The following KLHL1 variants were observed in gnomAD, a reference collection of about 807,000 sequenced individuals.
KLHL1 encodes kelch like family member 1.
A neutral mutation model predicts 77.7 loss-of-function variants in KLHL1; 47 were observed. The ratio of observed to expected loss-of-function variants is 0.60; its 90% confidence interval spans 0.48 to 0.77. KLHL1 has a LOEUF of 0.77. Ranked by LOEUF, KLHL1 falls within the 30% of genes least tolerant of loss-of-function variation. The pLI, the probability that KLHL1 is intolerant of heterozygous loss-of-function variation, is 0.00. For synonymous variants in KLHL1, 360 were observed against 325.2 expected, an observed-to-expected ratio of 1.11 and a Z score of -1.15; for missense variants, 925 against 910.8, an observed-to-expected ratio of 1.02 and a Z score of -0.20.
At chr13:69,782,635 A>G (rs933868343) in intron 7 of KLHL1, among the ~76,000 whole-genome samples, 2 of 152,132 alleles carry the variant, frequency 1.3e-5, no homozygotes, top group African/African-American at 4.8e-5. Context: ...CCATTGCCCA[A>G]GTTTGATTAG....
intron 5 of KLHL1, among the ~76,000 whole-genome samples, chr13:69,881,442 C>A (rs1251679855): frequency 6.6e-6 from 1 of 152,020 alleles, no homozygotes; most frequent in Non-Finnish European, 1.5e-5. Flanking sequence ...ATGAGATAAG[C>A]CTCCCATTTC....
chr13:69,733,810 A>T (rs1409758704), intron 8 of KLHL1, among the ~76,000 whole-genome samples: 1 of 152,190 alleles, frequency 6.6e-6, no homozygotes. Context: ...TGAGCACAAG[A>T]ATAAGTAAAG....
chr13:69,790,064 T>TGACA (rs1303855413), intron 7 of KLHL1, among the ~76,000 whole-genome samples: 3 of 152,274 alleles, frequency 2.0e-5, no homozygotes, highest in East Asian at 3.9e-4. Context: ...TAGCCACTTC[T>TGACA]GACACATTTG....
intron 5 of KLHL1, among the ~76,000 whole-genome samples, chr13:69,847,417 A>G (rs1416850921): frequency 1.3e-5 from 2 of 151,346 alleles, no homozygotes; most frequent in African/African-American, 4.8e-5. Context: ...AAAAAAAAAA[A>G]AAAAAAAAAA....
rs534622761 is a variant in KLHL1 at position 70,038,441 on chromosome 13, G to A, written c.498-62639C>T. 1.7e-3 allele frequency among the ~76,000 whole-genome samples: 253 copies of A among 152,234 alleles called. 1 individual carries two copies. Among genetic ancestry groups the A allele is most frequent in the African/African-American group, 5.9e-3 (247 of 41,544 alleles). ...TCCTGGAGGGCAATTGCTGGGTCAT[G>A]TGCTAAGAGTATATTTACTAATTTT... On this transcript the variant is annotated intron_variant, in intron 1 of 10. Transcript: ENST00000377844.
intron 1 of KLHL1, among the ~76,000 whole-genome samples, chr13:70,059,129 A>C (rs1886814966): frequency 6.6e-6 from 1 of 151,900 alleles, no homozygotes; most frequent in African/African-American, 2.4e-5. Context: ...GGAAATCTCC[A>C]GGACATGGGA....
At chr13:69,913,934 C>T (rs913450237) in intron 4 of KLHL1, among the ~76,000 whole-genome samples, 2 of 152,156 alleles carry the variant, frequency 1.3e-5, no homozygotes, top group African/African-American at 4.8e-5. Flanking sequence ...GGCAGACCCA[C>T]CCTCAATCTG....
rs140626172 is a variant in KLHL1 at position 70,073,929 on chromosome 13, G to A, written c.497+33274C>T. ...CAGCCTCCACCTCCTGGGTTCAAGC[G>A]ATTCTCCTGCCTCAGCCTCCAGAGT... On this transcript the variant is annotated intron_variant, in intron 1 of 10. Transcript: ENST00000377844. Among the ~76,000 whole-genome samples, 596 of 151,942 alleles carry A rather than the reference G, an allele frequency of 3.9e-3. 5 individuals are homozygous for A. The highest frequency in any genetic ancestry group is 0.013 in the African/African-American group (558 of 41,402).
chr13:69,793,501 T>TG (rs1417611706), intron 7 of KLHL1, among the ~76,000 whole-genome samples: 1 of 151,438 alleles, frequency 6.6e-6, no homozygotes, highest in Non-Finnish European at 1.5e-5. Flanking sequence ...CATGTAAGTT[T>TG]TTTTTTTACA....
At chr13:70,098,302 T>C (rs558268033) in intron 1 of KLHL1, among the ~76,000 whole-genome samples, 28 of 151,978 alleles carry the variant, frequency 1.8e-4, no homozygotes, top group African/African-American at 6.3e-4. Flanking sequence ...TATAAGAGTG[T>C]CACATCTATT....
intron 6 of KLHL1, among the ~76,000 whole-genome samples, chr13:69,824,918 TA>T (rs201160848): frequency 2.6e-5 from 4 of 151,944 alleles, no homozygotes; most frequent in Non-Finnish European, 5.9e-5. Flanking sequence ...CTAAAATATC[TA>T]AAAAAAATTT....
chr13:69,875,321 G>A (rs1012537480), intron 5 of KLHL1, among the ~76,000 whole-genome samples: 1 of 152,030 alleles, frequency 6.6e-6, no homozygotes, highest in Non-Finnish European at 1.5e-5. Flanking sequence ...GACTAATTTT[G>A]TGTGTTTGAA....
Position 69,882,268 on chromosome 13 carries a change from G to T in KLHL1, c.1227+15C>A. 1 of 1,562,998 alleles carries T rather than the reference G, an allele frequency of 6.4e-7. No homozygotes were observed. The highest frequency in any genetic ancestry group is 8.8e-7 in the Non-Finnish European group (1 of 1,133,794). ...AGTACATTGAATCTATTTAAACAGC[G>T]TCACACATCATTACCTGTGGTGGAA... On this transcript the variant is annotated intron_variant, in intron 5 of 10. Coordinates refer to ENST00000377844, the MANE Select transcript of KLHL1 (RefSeq NM_020866.3).
At chr13:70,038,315 C>T (rs547458494) in intron 1 of KLHL1, among the ~76,000 whole-genome samples, 1 of 152,232 alleles carries the variant, frequency 6.6e-6, no homozygotes, top group South Asian at 2.1e-4. Flanking sequence ...TGAAGGGTAG[C>T]TGGACTCTTC....
intron 1 of KLHL1, among the ~76,000 whole-genome samples, chr13:69,978,977 G>A (rs191629192): frequency 6.6e-6 from 1 of 152,066 alleles, no homozygotes; most frequent in East Asian, 1.9e-4. Context: ...CTGGTTTGGG[G>A]GGCTGGGGGT....
At chr13:69,865,347 A>G (rs1880329852) in intron 5 of KLHL1, among the ~76,000 whole-genome samples, 1 of 152,196 alleles carries the variant, frequency 6.6e-6, no homozygotes, top group Non-Finnish European at 1.5e-5. Context: ...GTGCTAAACT[A>G]GAATTTTCAA....
At chr13:69,748,622 G>A (rs1256179585) in intron 7 of KLHL1, among the ~76,000 whole-genome samples, 1 of 151,882 alleles carries the variant, frequency 6.6e-6, no homozygotes, top group Non-Finnish European at 1.5e-5. Context: ...TGACATCAGA[G>A]AACGATATTT....
intron 1 of KLHL1, among the ~76,000 whole-genome samples, chr13:70,019,507 A>G (rs1263792743): frequency 6.6e-6 from 1 of 152,148 alleles, no homozygotes; most frequent in African/African-American, 2.4e-5. Context: ...GGCTTTGGTC[A>G]AAGAACAATA....
At chr13:70,077,403 A>C (rs1887290545) in intron 1 of KLHL1, among the ~76,000 whole-genome samples, 1 of 151,942 alleles carries the variant, frequency 6.6e-6, no homozygotes, top group South Asian at 2.1e-4. Context: ...CCATTCTGGA[A>C]AAGGCCAAAC....
Sources: allele counts gnomAD v4.1 joint callset (sites outside exome capture counted in the v4.1 genomes callset), GRCh38; gene constraint gnomAD v4.1.1; transcripts MANE v1.5; gene names NCBI Gene and HGNC (gene_info 2026-07-23, HGNC 2026-07-21).